The following PCDH9 variants were observed in gnomAD, a reference collection of about 807,000 sequenced individuals.
PCDH9 encodes protocadherin-9.
A neutral mutation model predicts 70.6 loss-of-function variants in PCDH9; 24 were observed. That is an observed-to-expected ratio of 0.34 (90% CI 0.25 to 0.48). The LOEUF (loss-of-function observed/expected upper bound fraction) is 0.48. PCDH9 is among the 20% of genes least tolerant of loss of function. The pLI is 0.99. For missense variants in PCDH9, 1,281 were observed against 1,503.6 expected, an observed-to-expected ratio of 0.85 and a Z score of 2.45; for synonymous variants, 562 against 558.5, an observed-to-expected ratio of 1.01 and a Z score of -0.09.
At chr13:67,116,551 A>G (rs1463963272) in intron 2 of PCDH9, among the ~76,000 whole-genome samples, 2 of 152,196 alleles carry the variant, frequency 1.3e-5, no homozygotes, top group African/African-American at 4.8e-5. Context: ...ACTGAATTCA[A>G]CTTGAATAAA....
At chr13:66,783,043 GC>G in intron 3 of PCDH9, among the ~76,000 whole-genome samples, 1 of 152,152 alleles carries the variant, frequency 6.6e-6, no homozygotes, top group South Asian at 2.1e-4. Context: ...AGCTCCATAG[GC>G]CGTTTAGCTT....
intron 3 of PCDH9, among the ~76,000 whole-genome samples, chr13:66,885,742 A>G (rs987818833): frequency 6.6e-6 from 1 of 152,142 alleles, no homozygotes; most frequent in African/African-American, 2.4e-5. Context: ...TTTGAAACTT[A>G]TAAGAATAAA....
chr13:66,779,060 A>G (rs1282640267), intron 3 of PCDH9, among the ~76,000 whole-genome samples: 1 of 152,112 alleles, frequency 6.6e-6, no homozygotes, highest in Non-Finnish European at 1.5e-5. Flanking sequence ...AGTTTATTCT[A>G]TCAATATTTC....
At chr13:67,015,432 T>A (rs1291700012) in intron 2 of PCDH9, among the ~76,000 whole-genome samples, 2 of 152,132 alleles carry the variant, frequency 1.3e-5, no homozygotes, top group African/African-American at 4.8e-5. Context: ...GCTTTGCTTA[T>A]CCTCTCTACT....
At chr13:66,312,969 G>T (rs1181382077) in intron 4 of PCDH9, among the ~76,000 whole-genome samples, 1 of 152,180 alleles carries the variant, frequency 6.6e-6, no homozygotes, top group Non-Finnish European at 1.5e-5. Flanking sequence ...TGCCAGAGAA[G>T]ATATTGCTAT....
At chr13:66,497,329 C>T (rs2138549315) in intron 4 of PCDH9, among the ~76,000 whole-genome samples, 1 of 152,246 alleles carries the variant, frequency 6.6e-6, no homozygotes, top group Admixed American at 6.5e-5. Context: ...CCACCTCAGC[C>T]TCCCAAACTT....
intron 4 of PCDH9, among the ~76,000 whole-genome samples, chr13:66,583,098 C>A (rs2076915058): frequency 7.0e-6 from 1 of 143,422 alleles, no homozygotes; most frequent in Non-Finnish European, 1.5e-5. Flanking sequence ...ATTGTATGTG[C>A]ATGCTTTTTT....
chr13:66,777,436 A>G (rs1233875818), intron 3 of PCDH9, among the ~76,000 whole-genome samples: 4 of 152,136 alleles, frequency 2.6e-5, no homozygotes, highest in African/African-American at 4.8e-5. Context: ...ATTTACAAGA[A>G]AAAAACAAAC....
chr13:66,843,877 G>A (rs969810906), intron 3 of PCDH9, among the ~76,000 whole-genome samples: 3 of 152,168 alleles, frequency 2.0e-5, no homozygotes, highest in Non-Finnish European at 4.4e-5. Context: ...CCTTATAAAT[G>A]CCCTTTTGGG....
intron 4 of PCDH9, among the ~76,000 whole-genome samples, chr13:66,609,991 T>G (rs1385594146): frequency 2.1e-5 from 3 of 141,922 alleles, no homozygotes; most frequent in Non-Finnish European, 4.5e-5. Context: ...GGAGTCTCGC[T>G]CTGTCGCCCA....
chr13:67,128,574 C>T (rs2087034400), intron 2 of PCDH9, among the ~76,000 whole-genome samples: 1 of 152,132 alleles, frequency 6.6e-6, no homozygotes, highest in South Asian at 2.1e-4. Context: ...ATTAATATCA[C>T]TCAGTGGGGT....
At chr13:66,925,066 A>G (rs1373177757) in intron 2 of PCDH9, among the ~76,000 whole-genome samples, 1 of 151,872 alleles carries the variant, frequency 6.6e-6, no homozygotes, top group African/African-American at 2.4e-5. Flanking sequence ...TAAATTACAA[A>G]ACTAAAAGGC....
intron 3 of PCDH9, among the ~76,000 whole-genome samples, chr13:66,883,191 T>A (rs1261578721): frequency 1.3e-5 from 2 of 152,174 alleles, no homozygotes; most frequent in African/African-American, 4.8e-5. Flanking sequence ...AAGGCTCTGA[T>A]CAAATGCTAC....
chr13:66,840,485 C>G (rs2081098055), intron 3 of PCDH9, among the ~76,000 whole-genome samples: 1 of 151,996 alleles, frequency 6.6e-6, no homozygotes, highest in Admixed American at 6.6e-5. Context: ...TACAGAGAAC[C>G]CTGTTTTATT....
At chr13:66,582,422 CAGG>C (rs2076905014) in intron 4 of PCDH9, among the ~76,000 whole-genome samples, 1 of 152,082 alleles carries the variant, frequency 6.6e-6, no homozygotes, top group Non-Finnish European at 1.5e-5. Context: ...CAATTGAGGT[CAGG>C]AGTTCAACAC....
At chr13:66,788,877 A>G (rs1003373178) in intron 3 of PCDH9, among the ~76,000 whole-genome samples, 2 of 152,068 alleles carry the variant, frequency 1.3e-5, no homozygotes, top group African/African-American at 4.8e-5. Flanking sequence ...TCCTAGAGAT[A>G]AGACTTCCAG....
At chr13:67,049,677 A>G (rs260163) in intron 2 of PCDH9, among the ~76,000 whole-genome samples, 151,129 of 152,290 alleles carry the variant, frequency 0.99, 75,003 homozygotes, top group East Asian at 1. Flanking sequence ...TCTTCTTCAG[A>G]GTTAAATTTT....
intron 3 of PCDH9, among the ~76,000 whole-genome samples, chr13:66,652,101 G>A (rs1411699927): frequency 1.3e-5 from 2 of 151,994 alleles, no homozygotes; most frequent in African/African-American, 4.8e-5. Context: ...TTGGAAGAAG[G>A]ATGCCCATCT....
At chr13:66,858,348 C>G (rs1363725327) in intron 3 of PCDH9, among the ~76,000 whole-genome samples, 1 of 152,082 alleles carries the variant, frequency 6.6e-6, no homozygotes, top group Non-Finnish European at 1.5e-5. Context: ...TAAATTACGT[C>G]ATTGTTCTTC....
Sources: gnomAD v4.1 joint callset for allele counts (sites outside exome capture counted in the v4.1 genomes callset) on GRCh38, gnomAD v4.1.1 for gene constraint, MANE v1.5 for transcripts, NCBI Gene and HGNC (gene_info 2026-07-23, HGNC 2026-07-21) for gene names.